The following VPS13B variants were observed in gnomAD, a reference collection of about 807,000 sequenced individuals.
VPS13B encodes the protein intermembrane lipid transfer protein VPS13B.
In VPS13B, 285 loss-of-function variants were observed where a neutral mutation model predicts 426.4. The ratio of observed to expected loss-of-function variants is 0.67; its 90% CI spans 0.61 to 0.74. VPS13B has a LOEUF of 0.74. Ranked by LOEUF, VPS13B falls within the 30% of genes least tolerant of loss-of-function variation. VPS13B has a pLI of 0.00. For missense variants in VPS13B, 4,537 were observed against 4,782.6 expected (o/e 0.95, Z 1.51); for synonymous variants, 1,676 against 1,676.4 (o/e 1.00, Z 0.01).
chr8:99,460,683 T>C (rs1327463112), intron 23 of VPS13B, among the ~76,000 whole-genome samples: 1 of 152,220 alleles, frequency 6.6e-6, no homozygotes, highest in Non-Finnish European at 1.5e-5. Context: ...GTTTCACTTT[T>C]AGTTTTGAAG....
chr8:99,733,503 T>G (rs1297875348), intron 39 of VPS13B, among the ~76,000 whole-genome samples: 1 of 152,244 alleles, frequency 6.6e-6, no homozygotes, highest in Non-Finnish European at 1.5e-5. Flanking sequence ...TAGAACAGTG[T>G]CTAGCACATA....
intron 43 of VPS13B, among the ~76,000 whole-genome samples, chr8:99,807,961 A>G (rs927529128): frequency 6.6e-6 from 1 of 151,786 alleles, no homozygotes; most frequent in Admixed American, 6.6e-5. Flanking sequence ...GCATGTTATC[A>G]GGACTCCTCC....
At chr8:99,565,260 G>T (rs1040192779) in intron 31 of VPS13B, among the ~76,000 whole-genome samples, 3 of 151,532 alleles carry the variant, frequency 2.0e-5, no homozygotes, top group Non-Finnish European at 4.4e-5. Flanking sequence ...ATTTTGTTAG[G>T]TAATTTATCT....
intron 61 of VPS13B, among the ~76,000 whole-genome samples, chr8:99,871,941 G>A (rs1817439091): frequency 6.6e-6 from 1 of 152,230 alleles, no homozygotes; most frequent in South Asian, 2.1e-4. Context: ...CGGCCAGCAG[G>A]ACTCAAGGTC....
At position 99,870,894 on chromosome 8, in the gene VPS13B, T is replaced by G; in HGVS notation, c.11495+7T>G. On this transcript the variant is annotated splice_region_variant and intron_variant, in intron 60 of 61. Transcript: ENST00000357162. ...GCCATGTCAAATATGTCTGGTAAAA[T>G]TATTGAGATACGTGCTCAACTTTAC... is the stretch of plus-strand genomic sequence containing the variant. 6.2e-7 allele frequency: 1 copy of G among 1,613,438 alleles called. No individual in the cohort carries two copies.
intron 39 of VPS13B, among the ~76,000 whole-genome samples, chr8:99,738,517 T>C (rs1319581251): frequency 6.6e-6 from 1 of 152,242 alleles, no homozygotes; most frequent in Non-Finnish European, 1.5e-5. Context: ...ATTCAGAGCT[T>C]AACCTTGATG....
chr8:99,641,825 A>C lies in VPS13B; in HGVS notation c.5235A>C (p.Glu1745Asp), dbSNP rs751179813. The C allele has an allele frequency of 1.9e-5, 30 of 1,610,836 alleles. No homozygotes were observed. The highest frequency in any genetic ancestry group is 2.5e-5 in the Non-Finnish European group (29 of 1,177,642). ...TTTTCTTACAGATCTCTAAACAAGAACAGAAAAAAGTGGATATATTTGATG... is the reference window on the plus strand; with the variant it reads ...TTTTCTTACAGATCTCTAAACAAGACCAGAAAAAAGTGGATATATTTGATG... ...SNKAAEISKQ[E>D]QKKVDIFDGG... Residue 1745 changes from glutamate (E) to aspartate (D), a missense_variant, in exon 34 of 62, where the codon GAA becomes GAC. Coordinates refer to ENST00000357162, the MANE Select transcript of VPS13B (RefSeq NM_152564.5).
At chr8:99,209,627 G>A in intron 17 of VPS13B, 1 of 392,158 alleles carries the variant, frequency 2.5e-6, no homozygotes, top group Non-Finnish European at 3.9e-6. Context: ...GGTTGATCTT[G>A]AACTCCTGGC....
chr8:99,030,416 G>A (rs1365528032), intron 2 of VPS13B, among the ~76,000 whole-genome samples: 1 of 151,634 alleles, frequency 6.6e-6, no homozygotes, highest in African/African-American at 2.4e-5. Flanking sequence ...AGATGTGAAT[G>A]TTTGGTTAAC....
chr8:99,594,987 A>G (rs150171299), intron 33 of VPS13B, among the ~76,000 whole-genome samples: 33 of 152,112 alleles, frequency 2.2e-4, no homozygotes, highest in African/African-American at 7.2e-4. Context: ...GCTCTTTGCA[A>G]TAGATGAAGC....
intron 19 of VPS13B, among the ~76,000 whole-genome samples, chr8:99,332,388 A>G (rs1810589219): frequency 6.6e-6 from 1 of 151,712 alleles, no homozygotes; most frequent in Non-Finnish European, 1.5e-5. Flanking sequence ...TACTATATTA[A>G]TCTTTTCATA....
At chr8:99,059,325 A>G (rs1255543907) in intron 3 of VPS13B, among the ~76,000 whole-genome samples, 2 of 152,030 alleles carry the variant, frequency 1.3e-5, no homozygotes, top group African/African-American at 4.8e-5. Flanking sequence ...TTTTGTAGTG[A>G]TGGGGTTTTG....
At chr8:99,700,385 C>T (rs1449800701) in intron 36 of VPS13B, among the ~76,000 whole-genome samples, 1 of 152,232 alleles carries the variant, frequency 6.6e-6, no homozygotes, top group African/African-American at 2.4e-5. Flanking sequence ...GCCCAGCAAT[C>T]TGTGCTTCAA....
chr8:99,844,984 C>G (rs1460425460), intron 54 of VPS13B, among the ~76,000 whole-genome samples: 1 of 152,186 alleles, frequency 6.6e-6, no homozygotes, highest in Non-Finnish European at 1.5e-5. Flanking sequence ...ACCTCATCTT[C>G]TAGAGCTACA....
At chr8:99,270,812 A>T (rs931716197) in intron 17 of VPS13B, among the ~76,000 whole-genome samples, 5 of 151,550 alleles carry the variant, frequency 3.3e-5, no homozygotes, top group Admixed American at 1.4e-4. Context: ...GAAGGCTATT[A>T]TTAAGTTCTG....
Position 99,823,823 on chromosome 8 carries a change from A to G in VPS13B, c.9184-9A>G, listed in dbSNP as rs2130828655. ...TTGTCAAAATTATTTTTTCTCAATT[A>G]TCTTGTAGTTATGTCAGTTCTGCAT... On this transcript the variant is annotated splice_polypyrimidine_tract_variant and intron_variant, in intron 50 of 61. Coordinates refer to ENST00000357162, the MANE Select transcript of VPS13B (RefSeq NM_152564.5). The G allele has an allele frequency of 1.2e-6, 2 of 1,612,894 alleles. No homozygotes were observed. The highest frequency in any genetic ancestry group is 1.7e-4 in the Middle Eastern group (1 of 5,792).
At chr8:99,367,958 G>C (rs1205592370) in intron 19 of VPS13B, among the ~76,000 whole-genome samples, 1 of 152,054 alleles carries the variant, frequency 6.6e-6, no homozygotes, top group Non-Finnish European at 1.5e-5. Flanking sequence ...CTGACCATTT[G>C]GTTCCATTTT....
chr8:99,669,575 G>C (rs1318003551), intron 35 of VPS13B, among the ~76,000 whole-genome samples: 1 of 152,186 alleles, frequency 6.6e-6, no homozygotes, highest in South Asian at 2.1e-4. Context: ...ACAAGACAAT[G>C]AATGCAATTT....
intron 29 of VPS13B, among the ~76,000 whole-genome samples, chr8:99,518,712 T>C (rs768138015): frequency 6.6e-6 from 1 of 152,160 alleles, no homozygotes; most frequent in Non-Finnish European, 1.5e-5. Context: ...TGGACTAATC[T>C]GAATTAGACC....
Sources: allele counts gnomAD v4.1 joint callset (sites outside exome capture counted in the v4.1 genomes callset), GRCh38; gene constraint gnomAD v4.1.1; transcripts MANE v1.5; gene names NCBI Gene and HGNC (gene_info 2026-07-23, HGNC 2026-07-21).